LYPD5: variants seen among roughly 807,000 people sequenced by gnomAD.
LYPD5 encodes LY6/PLAUR domain containing 5.
LYPD5 carries 21 observed loss-of-function variants against 19.1 expected under a neutral mutation model. That is an observed-to-expected ratio of 1.10 (90% CI 0.78 to 1.58). The LOEUF is 1.58. Among genes scored for constraint, LYPD5 ranks in the 40% most tolerant of loss-of-function variants. LYPD5 has a pLI of 0.00. For synonymous variants in LYPD5, 128 were observed against 142.7 expected, an observed-to-expected ratio of 0.90 and a Z score of 0.74; for missense variants, 287 against 329.8, an observed-to-expected ratio of 0.87 and a Z score of 1.00.
upstream of LYPD5, among the ~76,000 whole-genome samples, chr19:43,806,830 C>T (rs546435682): frequency 2.0e-5 from 3 of 152,290 alleles, no homozygotes; most frequent in African/African-American, 7.2e-5. Context: ...AACCATCCCC[C>T]ACTCCCCAGG....
upstream of LYPD5, among the ~76,000 whole-genome samples, chr19:43,806,945 T>C (rs913448346): frequency 6.6e-6 from 1 of 152,218 alleles, no homozygotes; most frequent in African/African-American, 2.4e-5. Flanking sequence ...GTACTTGTCC[T>C]TTAGTGACTG....
intron 1 of LYPD5, among the ~76,000 whole-genome samples, chr19:43,817,208 G>C (rs1970381839): frequency 6.6e-6 from 1 of 152,080 alleles, no homozygotes; most frequent in Non-Finnish European, 1.5e-5. Flanking sequence ...AAGTTCTAAT[G>C]GTTGGTTGGT....
chr19:43,806,722 A>G (rs551055742), upstream of LYPD5, among the ~76,000 whole-genome samples: 1 of 152,174 alleles, frequency 6.6e-6, no homozygotes, highest in Non-Finnish European at 1.5e-5. Context: ...CACTGATTCT[A>G]CATTATGGTG....
intron 1 of LYPD5, among the ~76,000 whole-genome samples, chr19:43,810,547 TCCCCTCCCTTCCCCTCCCCTCCCCTCCC>T (rs1568406209): frequency 2.8e-5 from 1 of 35,310 alleles, no homozygotes; most frequent in African/African-American, 9.3e-5. Context: ...TCCCCTCCCC[TCCCCTCCCTTCCCCTCCCCTCCCCTCCC>T]CTCCCTTCCC....
chr19:43,800,833 C>A (rs1051188451), intron 1 of LYPD5, among the ~76,000 whole-genome samples: 17 of 151,754 alleles, frequency 1.1e-4, no homozygotes, highest in Admixed American at 5.3e-4. Context: ...TGGTGGTGCA[C>A]GCCTGTGGTC....
At chr19:43,820,480 AGCCACACTGTC>A (rs1970409588) in intron 1 of LYPD5, 1 of 111,994 alleles carries the variant, frequency 8.9e-6, no homozygotes, top group Non-Finnish European at 1.8e-5. Flanking sequence ...CTTCATACCC[AGCCACACTGTC>A]GCCTTCTTCG....
rs77161362 is a variant in LYPD5, at chr19:43,798,564, G to A, written c.408C>T (p.Tyr136=). The part of the protein sequence containing the change: ...DPPTLSGAEC[Y]ACIGVHQDDC... ...CATCCTGGTGGACCCCGATACAGGC[G>A]TAGCACTCGGCGCCGCTGAGCGTCG... The change falls in exon 4 of 5, where the codon TAC becomes TAT. Residue 136 remains tyrosine, a synonymous_variant. Transcript: ENST00000377950. 5.1e-4 allele frequency: 818 copies of A among 1,611,454 alleles called. 7 individuals carry two copies. In the East Asian group the frequency reaches 0.017, roughly 34 times the overall value.
At chr19:43,806,067 A>G (rs1970268133), upstream of LYPD5, among the ~76,000 whole-genome samples, 1 of 152,104 alleles carries the variant, frequency 6.6e-6, no homozygotes, top group Non-Finnish European at 1.5e-5. Context: ...TAGATCAGGG[A>G]TCCCCAACCC....
At chr19:43,817,181 T>C (rs568303277) in intron 1 of LYPD5, among the ~76,000 whole-genome samples, 6 of 152,262 alleles carry the variant, frequency 3.9e-5, no homozygotes, top group Non-Finnish European at 7.4e-5. Context: ...CTGCATAGTA[T>C]AGTCAGGCCT....
upstream of LYPD5, among the ~76,000 whole-genome samples, chr19:43,804,637 T>C (rs987220814): frequency 6.6e-6 from 1 of 152,228 alleles, no homozygotes; most frequent in African/African-American, 2.4e-5. Flanking sequence ...ACTGTCATCT[T>C]GCCAAATCCC....
At position 43,798,523 on chromosome 19, in the gene LYPD5, C is replaced by A. The variant is rs1970169321; in HGVS notation, c.449G>T (p.Arg150Met). 6.2e-7 allele frequency: 1 copy of A among 1,611,698 alleles called. No homozygotes were observed. Among genetic ancestry groups the A allele is most frequent in the African/African-American group, 1.3e-5 (1 of 74,948 alleles). ...GVHQDDCAIGRSRRVQCHQDQ... is the reference protein window; with the variant it reads ...GVHQDDCAIGMSRRVQCHQDQ... Reference sequence around the variant, plus strand: ...CTGGTGACACTGGACTCGTCGGGACCTGCCGATAGCGCAGTCATCCTGGTG... The same window carrying A: ...CTGGTGACACTGGACTCGTCGGGACATGCCGATAGCGCAGTCATCCTGGTG... The change falls in exon 4 of 5, where the codon AGG becomes ATG. Residue 150 changes from arginine to methionine, a missense_variant. Transcript: ENST00000377950.
intron 1 of LYPD5, 187 bp from the exon 2 acceptor site, chr19:43,800,021 G>A (rs1374347466): frequency 4.7e-6 from 3 of 632,700 alleles, no homozygotes; most frequent in Non-Finnish European, 7.7e-6. Context: ...GCAGAGTAAT[G>A]ACCTCTCTGC....
At position 43,796,896 on chromosome 19, in the gene LYPD5, T is replaced by G. The variant is rs1398807588; in HGVS notation, c.*695A>C. On this transcript the variant is annotated 3_prime_UTR_variant, in exon 5 of 5. Transcript: ENST00000377950. Reference sequence around the variant, plus strand: ...TATAGAGTTTATTTTCACCTCCACCTTATAGGTGAGAAAATATTGGCACAG... The same window carrying G: ...TATAGAGTTTATTTTCACCTCCACCGTATAGGTGAGAAAATATTGGCACAG... The G allele has an allele frequency of 2.0e-5, 3 of 152,246 alleles. No homozygotes were observed. Among genetic ancestry groups the G allele is most frequent in the Non-Finnish European group, 4.4e-5 (3 of 68,052 alleles). 9.4% of individuals were successfully genotyped at this position (152,246 alleles called of 1,614,324 possible). A position where few individuals can be genotyped will look rare whatever the true frequency, so the allele number is the denominator to read the frequency against.
At chr19:43,812,340 T>C (rs1051827532) in intron 1 of LYPD5, among the ~76,000 whole-genome samples, 2 of 129,608 alleles carry the variant, frequency 1.5e-5, no homozygotes, top group Non-Finnish European at 3.4e-5. Context: ...ATTTTTTCTA[T>C]CTATCTATCT....
At chr19:43,815,657 T>C (rs1970366182) in intron 1 of LYPD5, 1 of 218,900 alleles carries the variant, frequency 4.6e-6, no homozygotes, top group African/African-American at 2.4e-5. Context: ...TATTCTGAAG[T>C]GTGATTTATA....
intron 1 of LYPD5, among the ~76,000 whole-genome samples, chr19:43,810,086 A>T (rs1338237265): frequency 2.0e-5 from 3 of 152,244 alleles, no homozygotes; most frequent in Non-Finnish European, 2.9e-5. Flanking sequence ...TTTTCAAAAT[A>T]GTAAAGATGT....
In LYPD5 at chr19:43,798,610, A is replaced by G. The variant is rs1213321541; in HGVS notation, c.371-9T>C. 6.2e-7 allele frequency: 1 copy of G among 1,609,768 alleles called. No individual in the cohort carries two copies. Among genetic ancestry groups the G allele is most frequent in the East Asian group, 2.2e-5 (1 of 44,850 alleles). The stretch of plus-strand genomic sequence containing the variant: ...CGTCGGCGGGTCGGGTGCTGGCAAG[A>G]GAGCGTAGATGCACACTCAGGCAGT... On this transcript the variant is annotated splice_polypyrimidine_tract_variant and intron_variant, in intron 3 of 4. Coordinates refer to ENST00000377950, the MANE Select transcript of LYPD5 (RefSeq NM_001031749.3).
chr19:43,802,207 A>AGACCCAGGGGTCCAGGCCCCCAG lies in LYPD5; in HGVS notation c.64+109_64+110insCTGGGGGCCTGGACCCCTGGGTC. The AGACCCAGGGGTCCAGGCCCCCAG allele has an allele frequency of 3.1e-6, 2 of 647,118 alleles. 1 individual carries two copies. Among genetic ancestry groups the AGACCCAGGGGTCCAGGCCCCCAG allele is most frequent in the Non-Finnish European group, 5.0e-6 (2 of 403,274 alleles). The allele number at this position is 647,118 out of a possible 1,614,324, so 40.1% of individuals were successfully genotyped here. A position where few individuals can be genotyped will look rare whatever the true frequency, so the allele number is the denominator to read the frequency against. The stretch of plus-strand genomic sequence containing the variant: ...TCAGACCCAGGAGATCAGGCCCCCA[A>AGACCCAGGGGTCCAGGCCCCCAG]CCCCTCCTCCCTCAGACCCAGGAGT... On this transcript the variant is annotated intron_variant, in intron 1 of 4. Transcript: ENST00000377950.
intron 1 of LYPD5, among the ~76,000 whole-genome samples, chr19:43,819,522 T>C (rs1970402526): frequency 1.3e-5 from 2 of 152,070 alleles, no homozygotes; most frequent in Non-Finnish European, 2.9e-5. Flanking sequence ...CTGTCCTTTT[T>C]CTAAGTAGCT....
Sources: allele counts gnomAD v4.1 joint callset (sites outside exome capture counted in the v4.1 genomes callset), GRCh38; gene constraint gnomAD v4.1.1; transcripts MANE v1.5; gene names NCBI Gene and HGNC (gene_info 2026-07-23, HGNC 2026-07-21).